The following TF variants were observed in gnomAD, a reference collection of about 807,000 sequenced individuals.
TF encodes the protein serotransferrin.
In TF, 55 loss-of-function variants were observed where a neutral mutation model predicts 82.4. The observed-to-expected ratio is 0.67, with a 90% CI of 0.54 to 0.84. The LOEUF (loss-of-function observed/expected upper bound fraction) is 0.84. TF is among the 40% of genes least tolerant of loss of function. TF has a pLI of 0.00. For synonymous variants in TF, 332 were observed against 332.6 expected (o/e 1.00, Z 0.02); for missense variants, 737 against 868.4 (o/e 0.85, Z 1.90).
chr3:133,754,717 C>G lies in TF; in HGVS notation c.502+46C>G, dbSNP rs149623220. ...GTGCCCTCGAGCAGCTGCCTCTGCT[C>G]CAGATGCCCACACAGGCTGCACTAG... On this transcript the variant is annotated intron_variant, in intron 4 of 16. Transcript: ENST00000402696. 482 of 1,594,724 alleles carry G rather than the reference C, an allele frequency of 3.0e-4. 5 individuals are homozygous for G. The highest frequency in any genetic ancestry group is 2.8e-3 in the South Asian group (254 of 90,416).
rs1934507003 is a variant in TF at position 133,781,096 on chromosome 3, A to AT, written c.*2477dup. ...CACTTTGGGAGGCCAAGTCGGGCGG[A>AT]TCACCTGAGGTCAGGAGTTCGAGAC... On this transcript the variant is annotated 3_prime_UTR_variant, in exon 17 of 17. Coordinates refer to ENST00000402696, the MANE Select transcript of TF (RefSeq NM_001063.4). 2 of 152,182 alleles carry AT rather than the reference A, an allele frequency of 1.3e-5. No homozygotes were observed. Among genetic ancestry groups the AT allele is most frequent in the Non-Finnish European group, 2.9e-5 (2 of 68,058 alleles). 9.4% of individuals were successfully genotyped at this position (152,182 alleles called of 1,614,324 possible).
chr3:133,666,053 T>C, the TF span, among the ~76,000 whole-genome samples: 2 of 151,986 alleles, frequency 1.3e-5, no homozygotes, highest in East Asian at 3.8e-4. Context: ...TTTTACTACA[T>C]AGATAATATT....
chr3:133,679,592 T>TTTC, the TF span, among the ~76,000 whole-genome samples: 3 of 149,728 alleles, frequency 2.0e-5, no homozygotes, highest in African/African-American at 7.4e-5. Context: ...TTTTTTTTTT[T>TTTC]TACTCAGCAT....
the TF span, among the ~76,000 whole-genome samples, chr3:133,663,927 A>C: frequency 2.6e-5 from 4 of 152,204 alleles, no homozygotes; most frequent in South Asian, 8.3e-4. Context: ...TTAGAGTAAG[A>C]GTTCACCACT....
At chr3:133,672,750 G>A in the TF span, among the ~76,000 whole-genome samples, 1 of 124,652 alleles carries the variant, frequency 8.0e-6, no homozygotes, top group Non-Finnish European at 1.7e-5. Flanking sequence ...GGAAGGGGAG[G>A]GAAAGGAAGG....
At chr3:133,742,743 T>C (rs1357633931), upstream of TF, among the ~76,000 whole-genome samples, 1 of 152,184 alleles carries the variant, frequency 6.6e-6, no homozygotes, top group African/African-American at 2.4e-5. Context: ...AGGCTCTTTG[T>C]TTGCTTTGCT....
rs767755375 is a variant in TF at position 133,775,518 on chromosome 3, G to A, written c.1773G>A (p.Glu591=). ...LCLDGTRKPV[E]EYANCHLARA... ...TTGATGGTACCAGGAAACCTGTGGA[G>A]GAGTATGCGAACTGCCACCTGGCCA... Residue 591 remains glutamate, a synonymous_variant, in exon 15 of 17, where the codon GAG becomes GAA. Coordinates refer to ENST00000402696, the MANE Select transcript of TF (RefSeq NM_001063.4). 2 of 1,614,086 alleles carry A rather than the reference G, an allele frequency of 1.2e-6. No individual in the cohort carries two copies. Among genetic ancestry groups the A allele is most frequent in the African/African-American group, 2.7e-5 (2 of 74,934 alleles).
chr3:133,757,762 T>G lies in TF; in HGVS notation c.871-7T>G, dbSNP rs962031005. 1.9e-6 allele frequency: 3 copies of G among 1,613,538 alleles called. No individual in the cohort carries two copies. The East Asian group carries it at 6.7e-5, about 36-fold the overall frequency. On this transcript the variant is annotated splice_region_variant and splice_polypyrimidine_tract_variant and intron_variant, in intron 7 of 16. Coordinates refer to ENST00000402696, the MANE Select transcript of TF (RefSeq NM_001063.4). The stretch of plus-strand genomic sequence containing the variant: ...TGCCATCCACTATTCTGTTTTTCTA[T>G]GAACAGGAACATTTTGGCAAAGACA...
the TF span, among the ~76,000 whole-genome samples, chr3:133,726,737 T>TA: frequency 3.3e-5 from 5 of 152,212 alleles, no homozygotes; most frequent in Non-Finnish European, 7.3e-5. Context: ...CTAGTTGTTT[T>TA]AATTGTGATG....
chr3:133,682,649 A>C, the TF span, among the ~76,000 whole-genome samples: 1 of 152,200 alleles, frequency 6.6e-6, no homozygotes, highest in African/African-American at 2.4e-5. Context: ...TGAGAACAGA[A>C]GTTTAGAGAA....
At chr3:133,699,652 G>A in the TF span, 1 of 503,780 alleles carries the variant, frequency 2.0e-6, no homozygotes, top group Non-Finnish European at 4.0e-6. Flanking sequence ...TTCCCCTCTG[G>A]CTTAGTGCTC....
At chr3:133,704,796 G>A in the TF span, among the ~76,000 whole-genome samples, 8 of 152,298 alleles carry the variant, frequency 5.3e-5, 1 homozygote, top group East Asian at 1.9e-4. Context: ...GAGAAGGTGG[G>A]GCTGCAAGGT....
rs1358804163 is a variant in TF at position 133,782,093 on chromosome 3, T to G, written c.*3473T>G. On this transcript the variant is annotated 3_prime_UTR_variant, in exon 17 of 17. Transcript: ENST00000402696. Reference sequence around the variant, plus strand: ...AGGGAAATGTGAATTGAAACCATTATGAGACACTAGATAATAATAGGATGA... The same window carrying G: ...AGGGAAATGTGAATTGAAACCATTAGGAGACACTAGATAATAATAGGATGA... The G allele has an allele frequency of 1.3e-5, 2 of 152,152 alleles. No homozygotes were observed. Among genetic ancestry groups the G allele is most frequent in the South Asian group, 4.1e-4 (2 of 4,830 alleles). 9.4% of individuals were successfully genotyped at this position (152,152 alleles called of 1,614,324 possible).
the TF span, among the ~76,000 whole-genome samples, chr3:133,670,920 A>G: frequency 2.0e-5 from 3 of 152,236 alleles, no homozygotes; most frequent in African/African-American, 7.2e-5. Flanking sequence ...AAGCCAGCCG[A>G]ACTGATGGCA....
chr3:133,765,696 T>C (rs1934110592), intron 11 of TF, among the ~76,000 whole-genome samples: 2 of 152,242 alleles, frequency 1.3e-5, no homozygotes, highest in South Asian at 2.1e-4. Flanking sequence ...GAAACTGTAA[T>C]CTGAATTAAA....
the TF span, among the ~76,000 whole-genome samples, chr3:133,681,863 A>C: frequency 6.6e-6 from 1 of 152,216 alleles, no homozygotes; most frequent in South Asian, 2.1e-4. Context: ...TGGTTCTCCC[A>C]GCATGGAGTT....
At chr3:133,718,257 C>G in the TF span, among the ~76,000 whole-genome samples, 92 of 152,178 alleles carry the variant, frequency 6.0e-4, no homozygotes, top group Middle Eastern at 3.4e-3. Context: ...GCCCAGTGAA[C>G]AGGGAAAGGT....
At chr3:133,690,200 C>CA in the TF span, among the ~76,000 whole-genome samples, 31,429 of 148,648 alleles carry the variant, frequency 0.21, 3,557 homozygotes, top group African/African-American at 0.29. Context: ...CTAAGCATGC[C>CA]AAAAAAAAAT....
chr3:133,686,482 G>C, the TF span, among the ~76,000 whole-genome samples: 5 of 152,166 alleles, frequency 3.3e-5, no homozygotes. Flanking sequence ...ATTCTACAAA[G>C]AAGTTAAACA....
Sources: gnomAD v4.1 joint callset for allele counts (sites outside exome capture counted in the v4.1 genomes callset) on GRCh38, gnomAD v4.1.1 for gene constraint, MANE v1.5 for transcripts, NCBI Gene and HGNC (gene_info 2026-07-23, HGNC 2026-07-21) for gene names.